The following CDK14 variants were observed in gnomAD, a reference collection of about 807,000 sequenced individuals.
The protein encoded by CDK14 is cyclin dependent kinase 14, also known as cyclin-dependent kinase 14.
In CDK14, 34 loss-of-function variants were observed where a neutral mutation model predicts 60.7. That is an observed-to-expected ratio of 0.56 (90% confidence interval 0.43 to 0.75). CDK14 has a LOEUF of 0.75. CDK14 is among the 30% of genes least tolerant of loss of function. The pLI is 0.00. For missense variants in CDK14, 482 were observed against 564.1 expected, an observed-to-expected ratio of 0.85 and a Z score of 1.47; for synonymous variants, 197 against 203.7, an observed-to-expected ratio of 0.97 and a Z score of 0.28.
intron 6 of CDK14, among the ~76,000 whole-genome samples, chr7:90,897,211 G>T (rs1002146656): frequency 6.6e-6 from 1 of 151,864 alleles, no homozygotes; most frequent in African/African-American, 2.4e-5. Flanking sequence ...CCTTTTTATT[G>T]ATATTTGCAA....
At chr7:90,666,395 A>G (rs1402512682) in intron 2 of CDK14, 1 of 152,200 alleles carries the variant, frequency 6.6e-6, no homozygotes, top group Non-Finnish European at 1.5e-5. Context: ...GCTTTCCATG[A>G]AGTACTTCAC....
At chr7:90,890,082 ACTC>A (rs1792066544) in intron 6 of CDK14, among the ~76,000 whole-genome samples, 1 of 152,078 alleles carries the variant, frequency 6.6e-6, no homozygotes, top group Non-Finnish European at 1.5e-5. Flanking sequence ...TTGAAAACGG[ACTC>A]CTCTAGGCCA....
At chr7:90,740,898 G>C (rs1176102977) in intron 3 of CDK14, among the ~76,000 whole-genome samples, 1 of 152,074 alleles carries the variant, frequency 6.6e-6, no homozygotes, top group Admixed American at 6.5e-5. Context: ...TCAGTGTATG[G>C]TCTTGGGCAA....
intron 9 of CDK14, among the ~76,000 whole-genome samples, chr7:90,960,300 A>G (rs1794563074): frequency 6.6e-6 from 1 of 152,190 alleles, no homozygotes; most frequent in African/African-American, 2.4e-5. Context: ...TATCAACTAC[A>G]GTACTCCCCA....
Position 91,005,114 on chromosome 7 carries a change from G to A in CDK14, c.1041+20873G>A, listed in dbSNP as rs145581419. On this transcript the variant is annotated intron_variant, in intron 10 of 14. Coordinates refer to ENST00000380050, the MANE Select transcript of CDK14 (RefSeq NM_001287135.2). ...AGAGGCTGGTGGCGTGAGATTCCAGGTCAGCATTAGCTCACTGGTGGCTTC... is the reference window on the plus strand; with the variant it reads ...AGAGGCTGGTGGCGTGAGATTCCAGATCAGCATTAGCTCACTGGTGGCTTC... 5.2e-3 allele frequency among the ~76,000 whole-genome samples: 795 copies of A among 152,292 alleles called. 3 individuals are homozygous for A. The highest frequency in any genetic ancestry group is 9.4e-3 in the Non-Finnish European group (641 of 68,006).
intron 12 of CDK14, among the ~76,000 whole-genome samples, chr7:91,103,921 G>A (rs1412071385): frequency 6.6e-6 from 1 of 151,662 alleles, no homozygotes; most frequent in Non-Finnish European, 1.5e-5. Context: ...TTTATAATTA[G>A]AAGAGCAGCA....
Position 90,685,788 on chromosome 7 carries a change from T to C in CDK14, c.124-40779T>C, listed in dbSNP as rs540733957. ...ATTTAGAAATTAGGAAGAACTGATA[T>C]GTGTAAAATATTCAAGTCTTACTGT... On this transcript the variant is annotated intron_variant, in intron 2 of 14. Coordinates refer to ENST00000380050, the MANE Select transcript of CDK14 (RefSeq NM_001287135.2). Among the ~76,000 whole-genome samples, 23 of 151,510 alleles carry C rather than the reference T, an allele frequency of 1.5e-4. No individual in the cohort carries two copies. In the East Asian group the frequency reaches 2.1e-3, roughly 14 times the overall value.
intron 7 of CDK14, among the ~76,000 whole-genome samples, chr7:90,901,911 G>A (rs1031322215): frequency 6.6e-6 from 1 of 152,074 alleles, no homozygotes; most frequent in African/African-American, 2.4e-5. Context: ...AACTAATTCC[G>A]TAAAGTTGCA....
chr7:90,997,067 C>G (rs1206189584), intron 10 of CDK14, among the ~76,000 whole-genome samples: 1 of 152,080 alleles, frequency 6.6e-6, no homozygotes, highest in Admixed American at 6.5e-5. Flanking sequence ...TGAAATGTTC[C>G]CCCTCACCAG....
chr7:91,012,096 A>G (rs1292486866), intron 10 of CDK14, among the ~76,000 whole-genome samples: 1 of 152,170 alleles, frequency 6.6e-6, no homozygotes, highest in East Asian at 1.9e-4. Context: ...GTTACTTGAA[A>G]CTGTTTCAGC....
intron 8 of CDK14, among the ~76,000 whole-genome samples, chr7:90,924,440 A>G (rs1047093751): frequency 1.3e-5 from 2 of 152,210 alleles, no homozygotes; most frequent in Non-Finnish European, 2.9e-5. Flanking sequence ...GTTAGCTTAG[A>G]GTTTGGCAAT....
chr7:91,099,149 A>G (rs1002814454), intron 12 of CDK14, among the ~76,000 whole-genome samples: 6 of 152,154 alleles, frequency 3.9e-5, no homozygotes. Context: ...TTTCAGAAGA[A>G]TGAAAGGCTA....
chr7:90,829,096 T>C (rs917840932), intron 5 of CDK14, among the ~76,000 whole-genome samples: 4 of 152,174 alleles, frequency 2.6e-5, no homozygotes, highest in Non-Finnish European at 5.9e-5. Flanking sequence ...CATCAGCTCT[T>C]GTGAGAATTC....
chr7:91,206,051 C>T (rs1176677544), intron 14 of CDK14, among the ~76,000 whole-genome samples: 1 of 152,186 alleles, frequency 6.6e-6, no homozygotes, highest in Non-Finnish European at 1.5e-5. Context: ...GTCTCGGCCT[C>T]CCAAAGTGCT....
intron 2 of CDK14, among the ~76,000 whole-genome samples, chr7:90,678,908 G>A (rs1397611858): frequency 6.6e-6 from 1 of 152,162 alleles, no homozygotes. Context: ...CAAAGGAATC[G>A]TATCAGGAAG....
At chr7:91,027,608 G>C (rs1355617479) in intron 10 of CDK14, among the ~76,000 whole-genome samples, 1 of 152,098 alleles carries the variant, frequency 6.6e-6, no homozygotes, top group Admixed American at 6.5e-5. Flanking sequence ...TTGTATGTCA[G>C]TTGCCAAAAG....
At chr7:90,813,739 ACT>A (rs1789234654) in intron 5 of CDK14, among the ~76,000 whole-genome samples, 1 of 151,510 alleles carries the variant, frequency 6.6e-6, no homozygotes, top group Non-Finnish European at 1.5e-5. Flanking sequence ...ACAAAGCGAG[ACT>A]CTGTCTCAAA....
chr7:91,147,162 T>TCTCTCTCTCA (rs1438870514), intron 14 of CDK14, among the ~76,000 whole-genome samples: 58 of 124,740 alleles, frequency 4.6e-4, no homozygotes, highest in African/African-American at 1.8e-3. Flanking sequence ...TCTCTCTCTC[T>TCTCTCTCTCA]CACACACACA....
chr7:90,703,486 TAATA>T (rs1439198941), intron 2 of CDK14, among the ~76,000 whole-genome samples: 1 of 152,140 alleles, frequency 6.6e-6, no homozygotes, highest in Non-Finnish European at 1.5e-5. Context: ...AATAAATAAG[TAATA>T]AATACATAAA....
Sources: allele counts gnomAD v4.1 joint callset (sites outside exome capture counted in the v4.1 genomes callset), GRCh38; gene constraint gnomAD v4.1.1; transcripts MANE v1.5; gene names NCBI Gene and HGNC (gene_info 2026-07-23, HGNC 2026-07-21).